The following PLLP variants were observed in gnomAD, a reference collection of about 807,000 sequenced individuals.
The protein encoded by PLLP is plasma membrane proteolipid (plasmolipin).
Under a neutral mutation model 19.7 loss-of-function variants are expected in PLLP, and 15 were observed. That is an observed-to-expected ratio of 0.76 (90% confidence interval 0.51 to 1.17). The LOEUF is 1.17. PLLP is among the 50% of genes most tolerant of loss of function. PLLP has a pLI of 0.00. For synonymous variants in PLLP, 111 were observed against 116.3 expected, an observed-to-expected ratio of 0.95 and a Z score of 0.29; for missense variants, 255 against 258.3, an observed-to-expected ratio of 0.99 and a Z score of 0.09.
chr16:57,282,155 A>G (rs1344148481), intron 1 of PLLP, among the ~76,000 whole-genome samples: 17 of 152,054 alleles, frequency 1.1e-4, no homozygotes, highest in African/African-American at 4.1e-4. Flanking sequence ...CACAGCAGCA[A>G]CATCCTCCTC....
chr16:57,280,126 C>T lies in PLLP; in HGVS notation c.135+4280G>A, dbSNP rs1597966404. Among the ~76,000 whole-genome samples the T allele has an allele frequency of 2.6e-5, 4 of 152,158 alleles. No homozygotes were observed. The South Asian group carries it at 8.3e-4, about 31-fold the overall frequency. On this transcript the variant is annotated intron_variant, in intron 1 of 3. Coordinates refer to ENST00000219207, the MANE Select transcript of PLLP (RefSeq NM_015993.3). ...CCTGATGAGTCTCCCTTCCTGCAGTCCCCCTTTTCCCCCTAGAAAGCACTC... is the reference window on the plus strand; with the variant it reads ...CCTGATGAGTCTCCCTTCCTGCAGTTCCCCTTTTCCCCCTAGAAAGCACTC...
chr16:57,264,272 G>A (rs1328400344), intron 1 of PLLP, among the ~76,000 whole-genome samples: 1 of 152,226 alleles, frequency 6.6e-6, no homozygotes, highest in Non-Finnish European at 1.5e-5. Flanking sequence ...CATCCCCCAG[G>A]GATCTGGCTT....
intron 1 of PLLP, among the ~76,000 whole-genome samples, chr16:57,280,495 T>C (rs1351150641): frequency 6.6e-6 from 1 of 152,190 alleles, no homozygotes; most frequent in Non-Finnish European, 1.5e-5. Flanking sequence ...ATGCCTTTTT[T>C]TTTTAAAACC....
chr16:57,281,882 C>T (rs1901224110), intron 1 of PLLP, among the ~76,000 whole-genome samples: 1 of 152,126 alleles, frequency 6.6e-6, no homozygotes, highest in East Asian at 1.9e-4. Context: ...ACCCTCATCC[C>T]CTCAAAGGCA....
Position 57,284,296 on chromosome 16 carries a change from G to T in PLLP, c.135+110C>A. 4.0e-6 allele frequency: 4 copies of T among 1,004,666 alleles called. No homozygotes were observed. The South Asian group carries it at 7.7e-5, about 19-fold the overall frequency. The allele number at this position is 1,004,666 out of a possible 1,614,324, so 62.2% of individuals were successfully genotyped here. On this transcript the variant is annotated intron_variant, in intron 1 of 3. Transcript: ENST00000219207. ...GCGCGTCGGTGACAGTGTGAGCCCGGGTGGGGAGCGCAAGGTTCGCGAAAA... is the reference window on the plus strand; with the variant it reads ...GCGCGTCGGTGACAGTGTGAGCCCGTGTGGGGAGCGCAAGGTTCGCGAAAA...
intron 2 of PLLP, among the ~76,000 whole-genome samples, chr16:57,259,076 C>A (rs534779809): frequency 6.6e-6 from 1 of 152,152 alleles, no homozygotes; most frequent in Non-Finnish European, 1.5e-5. Flanking sequence ...TCCAGGGAGT[C>A]AGCCCATGAG....
At chr16:57,284,106 G>A (rs1377124231) in intron 1 of PLLP, among the ~76,000 whole-genome samples, 1 of 152,130 alleles carries the variant, frequency 6.6e-6, no homozygotes, top group South Asian at 2.1e-4. Context: ...GTGGCCGCTG[G>A]TAACCACCTT....
chr16:57,270,364 C>T (rs1191782407), intron 1 of PLLP, among the ~76,000 whole-genome samples: 6 of 149,688 alleles, frequency 4.0e-5, no homozygotes, highest in Non-Finnish European at 7.4e-5. Context: ...CCTTCCCCTG[C>T]CCCCAAGTCC....
At chr16:57,264,309 T>C (rs2075450516) in intron 1 of PLLP, among the ~76,000 whole-genome samples, 1 of 152,134 alleles carries the variant, frequency 6.6e-6, no homozygotes, top group Non-Finnish European at 1.5e-5. Context: ...AGTGGGGAAG[T>C]GGCAGGTGGG....
intron 2 of PLLP, among the ~76,000 whole-genome samples, chr16:57,260,862 CTT>C (rs2075439867): frequency 6.6e-6 from 1 of 152,242 alleles, no homozygotes; most frequent in Non-Finnish European, 1.5e-5. Context: ...GTCCTGCACA[CTT>C]GAGGCCCTGG....
intron 1 of PLLP, among the ~76,000 whole-genome samples, chr16:57,265,128 G>A (rs1211052825): frequency 2.6e-5 from 4 of 152,242 alleles, no homozygotes; most frequent in African/African-American, 7.2e-5. Flanking sequence ...TCTCACCGCC[G>A]CAAGCAGGCC....
In PLLP at chr16:57,281,579, C is replaced by A. The variant is rs567529804; in HGVS notation, c.135+2827G>T. Reference sequence around the variant, plus strand: ...AGGCTGGAGTGCCGTGGCGCCATCTCGGCTCACTGCAAGCTCCACCTCCCG... The same window carrying A: ...AGGCTGGAGTGCCGTGGCGCCATCTAGGCTCACTGCAAGCTCCACCTCCCG... On this transcript the variant is annotated intron_variant, in intron 1 of 3. Transcript: ENST00000219207. Among the ~76,000 whole-genome samples the A allele has an allele frequency of 1.4e-4, 21 of 147,020 alleles. No homozygotes were observed. In the South Asian group the frequency reaches 4.3e-3, roughly 30 times the overall value.
intron 3 of PLLP, 27 bp from the exon 4 acceptor site, chr16:57,257,056 G>A: frequency 1.3e-6 from 2 of 1,498,466 alleles, no homozygotes; most frequent in Non-Finnish European, 1.9e-6. Context: ...AAGGGCTTAA[G>A]GACCGAGAGG....
At chr16:57,264,881 T>TAAA (rs1379442395) in intron 1 of PLLP, among the ~76,000 whole-genome samples, 1 of 150,570 alleles carries the variant, frequency 6.6e-6, no homozygotes, top group Non-Finnish European at 1.5e-5. Context: ...TAAAATTAAG[T>TAAA]AAAGTTAAAA....
At chr16:57,280,787 G>A (rs1901210026) in intron 1 of PLLP, among the ~76,000 whole-genome samples, 1 of 152,194 alleles carries the variant, frequency 6.6e-6, no homozygotes, top group African/African-American at 2.4e-5. Flanking sequence ...TCCATCTGGT[G>A]TTCTTTCTGA....
At chr16:57,258,680 G>T in intron 2 of PLLP, 96 bp from the exon 3 acceptor site, 2 of 1,275,658 alleles carry the variant, frequency 1.6e-6, no homozygotes, top group Non-Finnish European at 2.2e-6. Context: ...CCAGCACTTT[G>T]CGGGGCTGAA....
intron 1 of PLLP, among the ~76,000 whole-genome samples, chr16:57,280,876 G>T (rs1215113421): frequency 6.6e-6 from 1 of 152,192 alleles, no homozygotes; most frequent in Non-Finnish European, 1.5e-5. Context: ...TGGTTCTTCA[G>T]GACACATTCT....
rs769728608 is a variant in PLLP at position 57,257,000 on chromosome 16, A to C, written c.462T>G (p.Tyr154Ter). Residue 154 changes from tyrosine (Y) to a stop codon, truncating the protein, a stop_gained, in exon 4 of 4, where the codon TAT becomes TAG. Coordinates refer to ENST00000219207, the MANE Select transcript of PLLP (RefSeq NM_015993.3). LOFTEE classifies it high-confidence loss of function. ...SFFACLVMIA[Y>*]GVSAFFSYQA... is the part of the protein sequence containing the mutation. Reference sequence around the variant, plus strand: ...GGTAGCTGAAGAAGGCACTCACTCCATAGGCGATCATCACCAAACACGCAA... The same window carrying C: ...GGTAGCTGAAGAAGGCACTCACTCCCTAGGCGATCATCACCAAACACGCAA... The C allele has an allele frequency of 6.2e-7, 1 of 1,613,844 alleles. No individual in the cohort carries two copies. Among genetic ancestry groups the C allele is most frequent in the South Asian group, 1.1e-5 (1 of 91,080 alleles).
intron 1 of PLLP, among the ~76,000 whole-genome samples, chr16:57,264,704 C>T (rs984559655): frequency 3.3e-5 from 5 of 152,182 alleles, no homozygotes; most frequent in Admixed American, 6.5e-5. Flanking sequence ...AAAAATTAGC[C>T]GAGTGTGGTG....
Sources: gnomAD v4.1 joint callset for allele counts (sites outside exome capture counted in the v4.1 genomes callset) on GRCh38, gnomAD v4.1.1 for gene constraint, MANE v1.5 for transcripts, NCBI Gene and HGNC (gene_info 2026-07-23, HGNC 2026-07-21) for gene names.